RAP2A: variants seen among roughly 807,000 people sequenced by gnomAD.
RAP2A encodes the protein ras-related protein Rap-2a.
In RAP2A, 5 loss-of-function variants were observed where a neutral mutation model predicts 15.1. The ratio of observed to expected loss-of-function variants is 0.33; its 90% confidence interval spans 0.17 to 0.70. The LOEUF (loss-of-function observed/expected upper bound fraction) is 0.70. Ranked by LOEUF, RAP2A falls within the 30% of genes least tolerant of loss-of-function variation. The probability of loss-of-function intolerance (pLI) is 0.68; values close to 1 mark genes in which losing one functional copy is unlikely to be tolerated. For missense variants in RAP2A, 111 were observed against 240.3 expected, an observed-to-expected ratio of 0.46 and a Z score of 3.56; for synonymous variants, 110 against 99.7, an observed-to-expected ratio of 1.10 and a Z score of -0.62.
chr13:97,437,999 G>A (rs1173559597), intron 1 of RAP2A, among the ~76,000 whole-genome samples: 1 of 152,188 alleles, frequency 6.6e-6, no homozygotes, highest in Non-Finnish European at 1.5e-5. Flanking sequence ...TCTTGTCAAA[G>A]CCAAGTGGAC....
In RAP2A at chr13:97,464,531, C is replaced by G. The variant is rs1015472016; in HGVS notation, c.*89C>G. The G allele has an allele frequency of 8.3e-7, 1 of 1,207,218 alleles. No homozygotes were observed. The highest frequency in any genetic ancestry group is 1.2e-6 in the Non-Finnish European group (1 of 826,028). 74.8% of individuals were successfully genotyped at this position (1,207,218 alleles called of 1,614,324 possible). A position where few individuals can be genotyped will look rare whatever the true frequency, so the allele number is the denominator to read the frequency against. ...ACTCCACTGCAGAACTTGCAGAATG[C>G]GTGGTGTTAATCTACAGAGAACTGC... On this transcript the variant is annotated 3_prime_UTR_variant, in exon 2 of 2. Coordinates refer to ENST00000245304, the MANE Select transcript of RAP2A (RefSeq NM_021033.7).
At chr13:97,451,529 G>A (rs2066702288) in intron 1 of RAP2A, among the ~76,000 whole-genome samples, 1 of 152,138 alleles carries the variant, frequency 6.6e-6, no homozygotes, top group Admixed American at 6.6e-5. Flanking sequence ...GGAGGTGCAG[G>A]ATGCCCCTTG....
intron 1 of RAP2A, among the ~76,000 whole-genome samples, chr13:97,462,107 T>C (rs2066750679): frequency 1.4e-5 from 2 of 147,918 alleles, no homozygotes; most frequent in Admixed American, 1.4e-4. Context: ...CTTTAAAATA[T>C]TTATCATTTA....
intron 1 of RAP2A, among the ~76,000 whole-genome samples, chr13:97,461,197 G>A (rs1312871083): frequency 1.3e-5 from 2 of 152,198 alleles, no homozygotes; most frequent in Non-Finnish European, 1.5e-5. Context: ...TGGCAGAACT[G>A]GAAGCAGAGC....
chr13:97,440,124 A>G (rs1566471346), intron 1 of RAP2A, among the ~76,000 whole-genome samples: 1 of 151,666 alleles, frequency 6.6e-6, no homozygotes, highest in African/African-American at 2.4e-5. Flanking sequence ...AAGTAAGTGA[A>G]ACTTCTGGAG....
intron 1 of RAP2A, among the ~76,000 whole-genome samples, chr13:97,454,254 T>C (rs1424098760): frequency 1.3e-5 from 2 of 151,276 alleles, no homozygotes; most frequent in Non-Finnish European, 3.0e-5. Context: ...TGTAGGTCTT[T>C]TTAAAAAAAT....
chr13:97,454,429 A>G (rs114404837), intron 1 of RAP2A, among the ~76,000 whole-genome samples: 1,519 of 149,850 alleles, frequency 0.01, 64 homozygotes, highest in African/African-American at 0.035. Flanking sequence ...CTAATTTTTT[A>G]TATTTTATCT....
rs138762358 is a variant in RAP2A, at chr13:97,446,992, C to T, written c.314+12208C>T. Reference sequence around the variant, plus strand: ...CAGCAGTAGTTATCTGGAACAATAACACATTTTTAGATAAACATGTTATTT... The same window carrying T: ...CAGCAGTAGTTATCTGGAACAATAATACATTTTTAGATAAACATGTTATTT... On this transcript the variant is annotated intron_variant, in intron 1 of 1. Transcript: ENST00000245304. Among the ~76,000 whole-genome samples the T allele has an allele frequency of 3.3e-3, 508 of 152,264 alleles. 3 individuals carry two copies. Among genetic ancestry groups the T allele is most frequent in the African/African-American group, 0.011 (462 of 41,552 alleles).
chr13:97,464,103 C>T (rs920722156), intron 1 of RAP2A, 102 bp from the exon 2 acceptor site: 12 of 982,032 alleles, frequency 1.2e-5, no homozygotes, highest in African/African-American at 3.2e-5. Context: ...ACTGAAGATA[C>T]CATTTATGTT....
intron 1 of RAP2A, among the ~76,000 whole-genome samples, chr13:97,441,246 T>G (rs1303662038): frequency 4.6e-5 from 7 of 152,230 alleles, no homozygotes; most frequent in African/African-American, 1.7e-4. Flanking sequence ...AGTTAAGATT[T>G]GATAATTGTA....
intron 1 of RAP2A, among the ~76,000 whole-genome samples, chr13:97,461,990 T>TATATATATA (rs1566475726): frequency 2.1e-5 from 3 of 141,786 alleles, no homozygotes; most frequent in African/African-American, 8.0e-5. Flanking sequence ...ATATATATAT[T>TATATATATA]TATATATTTA....
intron 1 of RAP2A, among the ~76,000 whole-genome samples, chr13:97,438,854 GA>G (rs1245744913): frequency 6.6e-6 from 1 of 152,132 alleles, no homozygotes; most frequent in Non-Finnish European, 1.5e-5. Flanking sequence ...AAAAAATGTT[GA>G]AAAAATGAAT....
rs1297924205 is a variant in RAP2A at position 97,466,981 on chromosome 13, G to A, written c.*2539G>A. ...AGGAAGATTACATTTGTTGGCATAC[G>A]AAACCTTAGTGGCTACAGAAGAAAG... On this transcript the variant is annotated 3_prime_UTR_variant, in exon 2 of 2. Coordinates refer to ENST00000245304, the MANE Select transcript of RAP2A (RefSeq NM_021033.7). 5 of 152,338 alleles carry A rather than the reference G, an allele frequency of 3.3e-5. No homozygotes were observed. Among genetic ancestry groups the A allele is most frequent in the Admixed American group, 6.5e-5 (1 of 15,280 alleles). 9.4% of individuals were successfully genotyped at this position (152,338 alleles called of 1,614,324 possible).
Position 97,464,733 on chromosome 13 carries a change from T to C in RAP2A, c.*291T>C, listed in dbSNP as rs1057444212. On this transcript the variant is annotated 3_prime_UTR_variant, in exon 2 of 2. Transcript: ENST00000245304. ...TTGAAAGCTATGATGGCATTGTCGC[T>C]GAGTTGACAGAAGCAACTATTGTAC... 1 of 363,810 alleles carries C rather than the reference T, an allele frequency of 2.7e-6. No individual in the cohort carries two copies. The highest frequency in any genetic ancestry group is 2.0e-5 in the African/African-American group (1 of 48,990). 22.5% of individuals were successfully genotyped at this position (363,810 alleles called of 1,614,324 possible).
At chr13:97,442,783 T>A (rs2066663321) in intron 1 of RAP2A, among the ~76,000 whole-genome samples, 2 of 152,216 alleles carry the variant, frequency 1.3e-5, no homozygotes, top group Non-Finnish European at 2.9e-5. Flanking sequence ...CTCTCCTGCT[T>A]TTCTGGTTCC....
rs903833734 is a variant in RAP2A at position 97,467,817 on chromosome 13, T to G, written c.*3375T>G. 1.3e-5 allele frequency: 2 copies of G among 152,628 alleles called. No homozygotes were observed. Among genetic ancestry groups the G allele is most frequent in the African/African-American group, 2.4e-5 (1 of 41,462 alleles). 9.5% of individuals were successfully genotyped at this position (152,628 alleles called of 1,614,324 possible). On this transcript the variant is annotated 3_prime_UTR_variant, in exon 2 of 2. Transcript: ENST00000245304. ...AGAGATATAGTTCACAGTTAATTGT[T>G]GCGCTCTAATACAACTGACCATTTA... is the stretch of plus-strand genomic sequence containing the variant.
At chr13:97,449,726 A>AT (rs5806015) in intron 1 of RAP2A, among the ~76,000 whole-genome samples, 49,484 of 150,060 alleles carry the variant, frequency 0.33, 8,434 homozygotes, top group South Asian at 0.45. Flanking sequence ...CATTTGTTTT[A>AT]TTTTTTTTTT....
rs540831318 is a variant in RAP2A at position 97,469,126 on chromosome 13, A to G, written c.*4684A>G. The G allele has an allele frequency of 6.6e-6, 1 of 152,028 alleles. No individual in the cohort carries two copies. Among genetic ancestry groups the G allele is most frequent in the South Asian group, 2.1e-4 (1 of 4,808 alleles). 9.4% of individuals were successfully genotyped at this position (152,028 alleles called of 1,614,324 possible). On this transcript the variant is annotated 3_prime_UTR_variant, in exon 2 of 2. Transcript: ENST00000245304. ...GTATTTTTAATAAATATTTTCATAAATAGTTTTTGTGGTTTTTTTGTTTGT... is the reference window on the plus strand; with the variant it reads ...GTATTTTTAATAAATATTTTCATAAGTAGTTTTTGTGGTTTTTTTGTTTGT...
intron 1 of RAP2A, among the ~76,000 whole-genome samples, chr13:97,450,597 T>C (rs1169424700): frequency 2.6e-5 from 4 of 151,984 alleles, no homozygotes; most frequent in Admixed American, 1.3e-4. Context: ...CATTCAAGTA[T>C]CAAATACAGA....
Sources: gnomAD v4.1 joint callset for allele counts (sites outside exome capture counted in the v4.1 genomes callset) on GRCh38, gnomAD v4.1.1 for gene constraint, MANE v1.5 for transcripts, NCBI Gene and HGNC (gene_info 2026-07-23, HGNC 2026-07-21) for gene names.